RBMS1: variants seen among roughly 807,000 people sequenced by gnomAD.
The protein encoded by RBMS1 is RNA-binding motif, single-stranded-interacting protein 1.
In RBMS1, 17 loss-of-function variants were observed where a neutral mutation model predicts 62.3. That is an observed-to-expected ratio of 0.27 (90% CI 0.19 to 0.41). RBMS1 has a LOEUF of 0.41. Ranked by LOEUF, RBMS1 falls within the 10% of genes least tolerant of loss-of-function variation. The probability of loss-of-function intolerance (pLI) is 1.00; values close to 1 mark genes in which losing one functional copy is unlikely to be tolerated. For synonymous variants in RBMS1, 172 were observed against 170.0 expected (o/e 1.01, Z -0.09); for missense variants, 334 against 504.5 (o/e 0.66, Z 3.24).
chr2:160,332,172 G>A (rs529542621), intron 2 of RBMS1, among the ~76,000 whole-genome samples: 1 of 152,194 alleles, frequency 6.6e-6, no homozygotes, highest in South Asian at 2.1e-4. Context: ...TGGTGGGTTG[G>A]GGATAGAGGC....
chr2:160,466,096 C>G (rs1367661520), intron 1 of RBMS1, among the ~76,000 whole-genome samples: 3 of 152,136 alleles, frequency 2.0e-5, no homozygotes, highest in South Asian at 2.1e-4. Context: ...ATTACCATCT[C>G]AAGTGAGTTA....
chr2:160,324,637 C>T (rs1690785277), intron 2 of RBMS1, among the ~76,000 whole-genome samples: 1 of 151,692 alleles, frequency 6.6e-6, no homozygotes, highest in African/African-American at 2.4e-5. Flanking sequence ...ATAGCTGCTC[C>T]TGAAGGACAA....
chr2:160,432,484 G>C (rs568180754), intron 1 of RBMS1: 7 of 152,192 alleles, frequency 4.6e-5, no homozygotes, highest in South Asian at 2.1e-4. Flanking sequence ...CAAACTCCAG[G>C]AAATAAAAGA....
intron 1 of RBMS1, among the ~76,000 whole-genome samples, chr2:160,481,906 A>G (rs1201148632): frequency 6.6e-6 from 1 of 152,206 alleles, no homozygotes; most frequent in Middle Eastern, 3.2e-3. Context: ...CTGGCAGGAG[A>G]AAACTGGTAG....
chr2:160,424,350 C>T (rs950953027), intron 1 of RBMS1, among the ~76,000 whole-genome samples: 1 of 132,936 alleles, frequency 7.5e-6, no homozygotes, highest in Non-Finnish European at 1.6e-5. Flanking sequence ...AGAATTTAAG[C>T]CAGAGGTGAG....
intron 2 of RBMS1, among the ~76,000 whole-genome samples, chr2:160,351,894 T>C (rs1692534931): frequency 6.6e-6 from 1 of 152,074 alleles, no homozygotes; most frequent in African/African-American, 2.4e-5. Flanking sequence ...ATGAGAAACA[T>C]TTGCTTCTAC....
At chr2:160,481,061 A>G in intron 1 of RBMS1, among the ~76,000 whole-genome samples, 1 of 147,530 alleles carries the variant, frequency 6.8e-6, no homozygotes, top group East Asian at 2.0e-4. Context: ...AGCCTAGGCA[A>G]CAGAGTGAGA....
At chr2:160,330,349 T>C (rs1455474921) in intron 2 of RBMS1, among the ~76,000 whole-genome samples, 1 of 152,180 alleles carries the variant, frequency 6.6e-6, no homozygotes, top group East Asian at 1.9e-4. Flanking sequence ...TGGCCAGCAC[T>C]TGTAAAAGAC....
intron 2 of RBMS1, among the ~76,000 whole-genome samples, chr2:160,342,778 A>G (rs1419627163): frequency 6.7e-6 from 1 of 149,800 alleles, no homozygotes; most frequent in Non-Finnish European, 1.5e-5. Flanking sequence ...ACAAAAAAAA[A>G]AAAAAAAAAA....
At chr2:160,325,958 C>T (rs1454907518) in intron 2 of RBMS1, among the ~76,000 whole-genome samples, 1 of 152,110 alleles carries the variant, frequency 6.6e-6, no homozygotes, top group Non-Finnish European at 1.5e-5. Context: ...AGATATTCCC[C>T]ATTTCATTTG....
chr2:160,412,932 A>G (rs1211715854), intron 1 of RBMS1, among the ~76,000 whole-genome samples: 1 of 152,240 alleles, frequency 6.6e-6, no homozygotes, highest in African/African-American at 2.4e-5. Flanking sequence ...TAATACACAT[A>G]TTACCGAGCC....
At chr2:160,471,274 C>A (rs759074990) in intron 1 of RBMS1, among the ~76,000 whole-genome samples, 1 of 152,044 alleles carries the variant, frequency 6.6e-6, no homozygotes, top group Non-Finnish European at 1.5e-5. Flanking sequence ...AATTCAAGTG[C>A]GTGTAAATTG....
intron 1 of RBMS1, among the ~76,000 whole-genome samples, chr2:160,451,743 G>A (rs1684002743): frequency 6.6e-6 from 1 of 151,854 alleles, no homozygotes; most frequent in African/African-American, 2.4e-5. Context: ...CGAGTAGCTG[G>A]GATTACAGGT....
At position 160,338,971 on chromosome 2, in the gene RBMS1, C is replaced by T. The variant is rs141570216; in HGVS notation, c.252-20744G>A. The stretch of plus-strand genomic sequence containing the variant: ...CTCATCACAGGCATTATAATCCCTA[C>T]TTTATGAACAGAGAACACTGAGGCC... On this transcript the variant is annotated intron_variant, in intron 2 of 13. Coordinates refer to ENST00000348849, the MANE Select transcript of RBMS1 (RefSeq NM_016836.4). Among the ~76,000 whole-genome samples the T allele has an allele frequency of 2.0e-5, 3 of 152,318 alleles. No individual in the cohort carries two copies. The South Asian group carries it at 6.2e-4, about 32-fold the overall frequency.
At chr2:160,378,776 A>G (rs1326183893) in intron 1 of RBMS1, among the ~76,000 whole-genome samples, 1 of 152,174 alleles carries the variant, frequency 6.6e-6, no homozygotes, top group Non-Finnish European at 1.5e-5. Context: ...TCATACACTC[A>G]AAACAAGTTA....
intron 1 of RBMS1, among the ~76,000 whole-genome samples, chr2:160,424,141 C>G (rs955482790): frequency 6.6e-6 from 1 of 151,770 alleles, no homozygotes; most frequent in Non-Finnish European, 1.5e-5. Context: ...GCCTCAGCCT[C>G]CCAAGTAGCT....
chr2:160,287,967 C>T (rs1200183368), intron 6 of RBMS1, among the ~76,000 whole-genome samples: 1 of 149,696 alleles, frequency 6.7e-6, no homozygotes, highest in Non-Finnish European at 1.5e-5. Context: ...ATAAATTCTT[C>T]TTACAGAATC....
chr2:160,340,413 C>T (rs556867592), intron 2 of RBMS1, among the ~76,000 whole-genome samples: 7 of 151,942 alleles, frequency 4.6e-5, no homozygotes, highest in Non-Finnish European at 8.8e-5. Context: ...GGTAGAGGCC[C>T]AACACTAGCT....
At chr2:160,438,569 A>G (rs552094787) in intron 1 of RBMS1, among the ~76,000 whole-genome samples, 3,847 of 152,004 alleles carry the variant, frequency 0.025, 68 homozygotes, top group Middle Eastern at 0.058. Context: ...AGAGCACAGG[A>G]TTGGGGATAA....
Sources: gnomAD v4.1 joint callset for allele counts (sites outside exome capture counted in the v4.1 genomes callset) on GRCh38, gnomAD v4.1.1 for gene constraint, MANE v1.5 for transcripts, NCBI Gene and HGNC (gene_info 2026-07-23, HGNC 2026-07-21) for gene names.